TNIK: variants seen among roughly 807,000 people sequenced by gnomAD.
TNIK encodes TRAF2 and NCK interacting kinase.
Under a neutral mutation model 191.3 loss-of-function variants are expected in TNIK, and 49 were observed. That is an observed-to-expected ratio of 0.26 (90% CI 0.20 to 0.32). The LOEUF (loss-of-function observed/expected upper bound fraction) is 0.32, where lower values mean the gene tolerates loss of function less well. Among genes scored for constraint, TNIK ranks in the 10% least tolerant of loss-of-function variants. TNIK has a pLI of 1.00. For missense variants in TNIK, 1,155 were observed against 1,702.3 expected, an observed-to-expected ratio of 0.68 and a Z score of 5.66; for synonymous variants, 594 against 600.9, an observed-to-expected ratio of 0.99 and a Z score of 0.17.
intron 21 of TNIK, among the ~76,000 whole-genome samples, chr3:171,104,469 A>G (rs964876572): frequency 3.9e-5 from 6 of 152,190 alleles, no homozygotes; most frequent in Non-Finnish European, 8.8e-5. Context: ...GAGAATATAT[A>G]GCTAAAAAAG....
chr3:171,173,110 C>T (rs200807387), intron 9 of TNIK, among the ~76,000 whole-genome samples: 1 of 151,488 alleles, frequency 6.6e-6, no homozygotes, highest in African/African-American at 2.4e-5. Flanking sequence ...TGTGGCCAGG[C>T]GCGGTGGCTC....
chr3:171,339,406 G>T (rs1757294553), intron 2 of TNIK, among the ~76,000 whole-genome samples: 1 of 152,318 alleles, frequency 6.6e-6, no homozygotes, highest in South Asian at 2.1e-4. Context: ...CTTTACCTGA[G>T]TCTATCTTGA....
At chr3:171,327,818 C>T (rs1398353005) in intron 2 of TNIK, among the ~76,000 whole-genome samples, 12 of 147,894 alleles carry the variant, frequency 8.1e-5, no homozygotes, top group African/African-American at 3.0e-4. Context: ...CCAGACCAAA[C>T]TGTTGCTCCA....
At chr3:171,218,126 A>G (rs1741683864) in intron 3 of TNIK, among the ~76,000 whole-genome samples, 1 of 152,182 alleles carries the variant, frequency 6.6e-6, no homozygotes, top group Non-Finnish European at 1.5e-5. Context: ...GGCATTATCC[A>G]CATTTATAGA....
chr3:171,193,588 G>T (rs1738316866), intron 5 of TNIK, among the ~76,000 whole-genome samples: 1 of 152,102 alleles, frequency 6.6e-6, no homozygotes, highest in South Asian at 2.1e-4. Context: ...TGCATTTAAT[G>T]AACAGACATC....
chr3:171,392,975 T>TA lies in TNIK; in HGVS notation c.58-23291dup, dbSNP rs947450224. ...ACAAGCTTTCTGTCACATTTTAAAA[T>TA]AAAAAAAAAATGAGCCTTCTCCCTT... On this transcript the variant is annotated intron_variant, in intron 1 of 32. Coordinates refer to ENST00000436636, the MANE Select transcript of TNIK (RefSeq NM_015028.4). Among the ~76,000 whole-genome samples, 1,123 of 148,552 alleles carry TA rather than the reference T, an allele frequency of 7.6e-3. 19 individuals carry two copies. The highest frequency in any genetic ancestry group is 0.025 in the African/African-American group (999 of 40,606).
At chr3:171,162,284 C>T (rs561548150) in intron 10 of TNIK, among the ~76,000 whole-genome samples, 6 of 151,948 alleles carry the variant, frequency 3.9e-5, no homozygotes, top group Admixed American at 1.3e-4. Flanking sequence ...ATTAGCTGGG[C>T]GTGGTTACAG....
chr3:171,124,247 T>C (rs1728170968), intron 17 of TNIK, among the ~76,000 whole-genome samples: 1 of 152,230 alleles, frequency 6.6e-6, no homozygotes, highest in Non-Finnish European at 1.5e-5. Flanking sequence ...ATCTTGAATG[T>C]TTCTACTTTC....
intron 2 of TNIK, among the ~76,000 whole-genome samples, chr3:171,247,451 G>A (rs1236214984): frequency 6.6e-6 from 1 of 152,238 alleles, no homozygotes; most frequent in East Asian, 1.9e-4. Flanking sequence ...AGGTGGGTAA[G>A]AGTGCCATTC....
rs200888081 is a variant in TNIK at position 171,184,316 on chromosome 3, C to A, written c.639+4386G>T. Among the ~76,000 whole-genome samples, 4 of 152,036 alleles carry A rather than the reference C, an allele frequency of 2.6e-5. No homozygotes were observed. In the East Asian group the frequency reaches 7.7e-4, roughly 29 times the overall value. On this transcript the variant is annotated intron_variant, in intron 7 of 32. Coordinates refer to ENST00000436636, the MANE Select transcript of TNIK (RefSeq NM_015028.4). ...GAAGTGGAGATAGTTATTAATAATC[C>A]CATTTCACACATAAAACAAACTGAG...
chr3:171,233,677 G>A (rs1452012394), intron 2 of TNIK, among the ~76,000 whole-genome samples: 1 of 152,186 alleles, frequency 6.6e-6, no homozygotes, highest in Non-Finnish European at 1.5e-5. Flanking sequence ...ATGGACAGGA[G>A]GCCAAATGAA....
intron 2 of TNIK, among the ~76,000 whole-genome samples, chr3:171,331,731 T>G (rs911272352): frequency 6.6e-6 from 1 of 152,222 alleles, no homozygotes. Flanking sequence ...CCAGGATGTG[T>G]GAAATGCATG....
At chr3:171,126,403 TA>T (rs1340087652) in intron 16 of TNIK, among the ~76,000 whole-genome samples, 2 of 152,148 alleles carry the variant, frequency 1.3e-5, no homozygotes, top group African/African-American at 4.8e-5. Flanking sequence ...TGTGAAATAA[TA>T]ACAATAACTA....
At chr3:171,136,439 G>A (rs558775522) in intron 15 of TNIK, among the ~76,000 whole-genome samples, 3 of 152,252 alleles carry the variant, frequency 2.0e-5, no homozygotes, top group South Asian at 2.1e-4. Context: ...CCTAACTCTC[G>A]AGTTGGGCTA....
At chr3:171,414,621 C>A (rs1049753820) in intron 1 of TNIK, among the ~76,000 whole-genome samples, 2 of 152,188 alleles carry the variant, frequency 1.3e-5, no homozygotes, top group Admixed American at 1.3e-4. Flanking sequence ...AGCTTTCCCA[C>A]AGGCCAGTTC....
intron 11 of TNIK, among the ~76,000 whole-genome samples, chr3:171,158,542 TA>T (rs1200658483): frequency 6.6e-6 from 1 of 152,258 alleles, no homozygotes; most frequent in Non-Finnish European, 1.5e-5. Flanking sequence ...GACTTCTGTT[TA>T]TTCAAACGTA....
At chr3:171,066,836 A>G in intron 30 of TNIK, 101 bp from the exon 31 acceptor site, 4 of 1,386,814 alleles carry the variant, frequency 2.9e-6, no homozygotes, top group South Asian at 3.0e-5. Context: ...GTTTATTTTC[A>G]TTGTCACCCT....
chr3:171,220,185 T>G (rs544108893), intron 3 of TNIK, among the ~76,000 whole-genome samples: 1 of 152,100 alleles, frequency 6.6e-6, no homozygotes, highest in Non-Finnish European at 1.5e-5. Flanking sequence ...AAGCGGGAGT[T>G]GAACAATGAG....
chr3:171,445,419 CAA>C (rs75214809), intron 1 of TNIK, among the ~76,000 whole-genome samples: 29 of 86,952 alleles, frequency 3.3e-4, no homozygotes, highest in Admixed American at 3.7e-4. Flanking sequence ...ACCCTGTCTC[CAA>C]AAAAAAAAAA....
Sources: gnomAD v4.1 joint callset for allele counts (sites outside exome capture counted in the v4.1 genomes callset) on GRCh38, gnomAD v4.1.1 for gene constraint, MANE v1.5 for transcripts, NCBI Gene and HGNC (gene_info 2026-07-23, HGNC 2026-07-21) for gene names.